Variants in SLC25A13 observed in about 807,000 individuals in gnomAD.
SLC25A13 encodes solute carrier family 25 member 13.
A neutral mutation model predicts 85.5 loss-of-function variants in SLC25A13; 70 were observed. That is an observed-to-expected ratio of 0.82 (90% CI 0.68 to 1.00). The LOEUF (loss-of-function observed/expected upper bound fraction) is 1.00. SLC25A13 is among the 50% of genes least tolerant of loss of function. The probability of loss-of-function intolerance (pLI) is 0.00; values close to 1 mark genes in which losing one functional copy is unlikely to be tolerated. For missense variants in SLC25A13, 765 were observed against 819.8 expected (o/e 0.93, Z 0.82); for synonymous variants, 259 against 288.7 (o/e 0.90, Z 1.04).
intron 14 of SLC25A13, among the ~76,000 whole-genome samples, chr7:96,140,028 G>C (rs1338578354): frequency 7.2e-6 from 1 of 138,596 alleles, no homozygotes; most frequent in Admixed American, 7.7e-5. Flanking sequence ...GCGGGATCTC[G>C]GCTCACTGCA....
intron 5 of SLC25A13, among the ~76,000 whole-genome samples, chr7:96,194,442 CA>C (rs546248549): frequency 6.9e-4 from 19 of 27,686 alleles, no homozygotes; most frequent in East Asian, 4.3e-3. Context: ...AACCTTGTCT[CA>C]AAAAAAAAAA....
At chr7:96,293,956 C>T (rs946008239) in intron 2 of SLC25A13, among the ~76,000 whole-genome samples, 43 of 152,080 alleles carry the variant, frequency 2.8e-4, no homozygotes, top group African/African-American at 9.7e-4. Context: ...TTATAAATCA[C>T]GCTGCTGTAA....
chr7:96,135,086 T>C (rs1472149524), intron 14 of SLC25A13, among the ~76,000 whole-genome samples: 1 of 152,122 alleles, frequency 6.6e-6, no homozygotes, highest in Non-Finnish European at 1.5e-5. Context: ...TTAAGCTTCC[T>C]CACCTGTCAA....
At position 96,121,118 on chromosome 7, in the gene SLC25A13, GC is replaced by G; in HGVS notation, c.*72del. The G allele has an allele frequency of 6.6e-7, 1 of 1,510,582 alleles. No homozygotes were observed. Among genetic ancestry groups the G allele is most frequent in the Non-Finnish European group, 9.2e-7 (1 of 1,086,488 alleles). The allele number at this position is 1,510,582 out of a possible 1,614,324, so 93.6% of individuals were successfully genotyped here. On this transcript the variant is annotated 3_prime_UTR_variant, in exon 18 of 18. Coordinates refer to ENST00000265631, the MANE Select transcript of SLC25A13 (RefSeq NM_014251.3). ...ATGGACGTAAAAGGGATGAAGCATT[GC>G]TTCATTCCCAGGAGGGATGTTCTTT...
At chr7:96,187,841 T>C (rs990389586) in intron 9 of SLC25A13, among the ~76,000 whole-genome samples, 4 of 152,196 alleles carry the variant, frequency 2.6e-5, no homozygotes, top group Non-Finnish European at 5.9e-5. Flanking sequence ...TTGCTTGAAT[T>C]TGTCGGGCCC....
At position 96,241,072 on chromosome 7, in the gene SLC25A13, AAGAAAGAAAGAAAGAAAG is replaced by A. The variant is rs1562870856; in HGVS notation, c.213-6173_213-6156del. Among the ~76,000 whole-genome samples the A allele has an allele frequency of 3.6e-4, 54 of 150,248 alleles. No homozygotes were observed. The South Asian group carries it at 0.011, about 32-fold the overall frequency. ...AAAGAAAGAAAGAAAGAAAGAAAGAAAGAAAGAAAGAAAGAAAGAAAGAAAGAAAGAAAGGCACTTTAT... is the reference window on the plus strand; with the variant it reads ...AAAGAAAGAAAGAAAGAAAGAAAGAAAAAGAAAGAAAGAAAGGCACTTTAT... On this transcript the variant is annotated intron_variant, in intron 3 of 17. Transcript: ENST00000265631.
At chr7:96,239,349 G>A (rs1053450780) in intron 3 of SLC25A13, among the ~76,000 whole-genome samples, 1 of 149,498 alleles carries the variant, frequency 6.7e-6, no homozygotes, top group African/African-American at 2.4e-5. Context: ...TTTACAGCAT[G>A]ATACCTAAAA....
intron 3 of SLC25A13, among the ~76,000 whole-genome samples, chr7:96,265,784 A>G (rs560841907): frequency 2.6e-5 from 4 of 152,294 alleles, no homozygotes; most frequent in African/African-American, 9.6e-5. Flanking sequence ...TTGGTAATTT[A>G]TAAGTAACAG....
In SLC25A13 at chr7:96,131,706, G is replaced by A. The variant is rs532545471; in HGVS notation, c.1591+37C>T. 2.4e-5 allele frequency: 39 copies of A among 1,613,086 alleles called. 1 individual carries two copies. In the East Asian group the frequency reaches 8.3e-4, roughly 34 times the overall value. ...CAGCTAGGGAAGGGGGGCAGCAAGGGTCAGGGAAGTAAGAGAACTCCATGG... is the reference window on the plus strand; with the variant it reads ...CAGCTAGGGAAGGGGGGCAGCAAGGATCAGGGAAGTAAGAGAACTCCATGG... On this transcript the variant is annotated intron_variant, in intron 15 of 17. Transcript: ENST00000265631.
chr7:96,140,309 T>C (rs117743116), intron 14 of SLC25A13, among the ~76,000 whole-genome samples: 3,172 of 151,960 alleles, frequency 0.021, 52 homozygotes, highest in Non-Finnish European at 0.034. Context: ...CTGGATCATA[T>C]AGTAGTTCTA....
intron 14 of SLC25A13, among the ~76,000 whole-genome samples, chr7:96,140,997 C>G (rs1435261671): frequency 3.3e-5 from 5 of 149,846 alleles, no homozygotes; most frequent in Non-Finnish European, 7.4e-5. Context: ...ATTAATTTTG[C>G]GCATTCCTTT....
intron 13 of SLC25A13, among the ~76,000 whole-genome samples, chr7:96,153,080 C>T (rs73232573): frequency 0.038 from 5,723 of 152,234 alleles, 151 homozygotes; most frequent in Non-Finnish European, 0.059. Context: ...GCTGTGCTTA[C>T]GCATAACAGT....
At chr7:96,234,568 C>T (rs2116814474) in intron 4 of SLC25A13, among the ~76,000 whole-genome samples, 1 of 152,280 alleles carries the variant, frequency 6.6e-6, no homozygotes, top group Middle Eastern at 3.4e-3. Flanking sequence ...CCACATCTCC[C>T]TCACCTTAAA....
At chr7:96,170,962 T>G (rs750690659) in intron 12 of SLC25A13, among the ~76,000 whole-genome samples, 5 of 152,172 alleles carry the variant, frequency 3.3e-5, no homozygotes, top group Non-Finnish European at 2.9e-5. Flanking sequence ...TCCCTGCACA[T>G]TTGGCTTTAT....
intron 14 of SLC25A13, among the ~76,000 whole-genome samples, chr7:96,135,679 C>T (rs1483591221): frequency 6.6e-6 from 1 of 152,118 alleles, no homozygotes; most frequent in Non-Finnish European, 1.5e-5. Flanking sequence ...ATCAGCCATT[C>T]TGAAAAGGCA....
In SLC25A13 at chr7:96,322,015, A is replaced by C; in HGVS notation, c.-59T>G. On this transcript the variant is annotated 5_prime_UTR_variant, in exon 1 of 18. Transcript: ENST00000265631. ...ACTGACTGGCTGGCTGGCGTTTGGG[A>C]CCCGGGCGGCTCACTTCTAGTCCCG... 6.5e-7 allele frequency: 1 copy of C among 1,530,120 alleles called. No homozygotes were observed. The highest frequency in any genetic ancestry group is 8.8e-7 in the Non-Finnish European group (1 of 1,138,844). 94.8% of individuals were successfully genotyped at this position (1,530,120 alleles called of 1,614,324 possible).
At chr7:96,214,828 C>T (rs754164288) in intron 4 of SLC25A13, among the ~76,000 whole-genome samples, 1 of 151,938 alleles carries the variant, frequency 6.6e-6, no homozygotes, top group East Asian at 1.9e-4. Context: ...AAGTGCAAAA[C>T]TGATTCTCTA....
chr7:96,125,586 A>C (rs937635199), intron 15 of SLC25A13, among the ~76,000 whole-genome samples: 3 of 152,174 alleles, frequency 2.0e-5, no homozygotes, highest in African/African-American at 7.2e-5. Flanking sequence ...GAAGATGAGA[A>C]GTCAATCTTC....
chr7:96,293,222 C>G (rs544201991), intron 2 of SLC25A13, among the ~76,000 whole-genome samples: 302 of 152,186 alleles, frequency 2.0e-3, no homozygotes, highest in African/African-American at 7.0e-3. Flanking sequence ...AACTGGCTAG[C>G]CATATGTAGA....
Sources: gnomAD v4.1 joint callset for allele counts (sites outside exome capture counted in the v4.1 genomes callset) on GRCh38, gnomAD v4.1.1 for gene constraint, MANE v1.5 for transcripts, NCBI Gene and HGNC (gene_info 2026-07-23, HGNC 2026-07-21) for gene names.